The following BNC2 variants were observed in gnomAD, a reference collection of about 807,000 sequenced individuals.
The protein encoded by BNC2 is basonuclin zinc finger protein 2.
In BNC2, 20 loss-of-function variants were observed where a neutral mutation model predicts 76.3. The observed-to-expected ratio is 0.26, with a 90% CI of 0.18 to 0.38. BNC2 has a LOEUF of 0.38. Ranked by LOEUF, BNC2 falls within the 10% of genes least tolerant of loss-of-function variation. The pLI, the probability that BNC2 is intolerant of heterozygous loss-of-function variation, is 1.00. For synonymous variants in BNC2, 582 were observed against 514.8 expected (o/e 1.13, Z -1.77); for missense variants, 1,382 against 1,399.8 (o/e 0.99, Z 0.20).
chr9:16,656,851 A>G (rs558913937), intron 3 of BNC2, among the ~76,000 whole-genome samples: 1 of 152,192 alleles, frequency 6.6e-6, no homozygotes, highest in African/African-American at 2.4e-5. Context: ...AATCTTTACA[A>G]GATTAGAGGC....
intron 3 of BNC2, among the ~76,000 whole-genome samples, chr9:16,617,215 GAACA>G (rs1000071002): frequency 9.9e-5 from 15 of 151,966 alleles, no homozygotes; most frequent in South Asian, 2.1e-4. Flanking sequence ...ACTTCTTATA[GAACA>G]AACAAACAAA....
intron 1 of BNC2, among the ~76,000 whole-genome samples, chr9:16,835,465 G>A (rs912704460): frequency 2.6e-5 from 4 of 152,236 alleles, no homozygotes; most frequent in Non-Finnish European, 4.4e-5. Context: ...TTGGGAGGCC[G>A]AGGCAGGCAG....
chr9:16,421,349 GAGAA>G lies in BNC2; in HGVS notation c.2640-1704_2640-1701del, dbSNP rs199570667. The G allele has an allele frequency of 1.6e-3, 1,868 of 1,139,092 alleles. 21 individuals are homozygous for G. The African/African-American group carries it at 0.027, about 17-fold the overall frequency. The allele number at this position is 1,139,092 out of a possible 1,614,324, so 70.6% of individuals were successfully genotyped here. On this transcript the variant is annotated intron_variant, in intron 6 of 6. Transcript: ENST00000380672. ...TAAGAGACAGAGAGAGAGAAAGAAAGAGAAAGAGAGAGAGAGAAAACAAATTCAC... is the reference window on the plus strand; with the variant it reads ...TAAGAGACAGAGAGAGAGAAAGAAAGAGAGAGAGAGAGAAAACAAATTCAC...
At chr9:16,665,096 C>G (rs1160681612) in intron 3 of BNC2, 1 of 455,940 alleles carries the variant, frequency 2.2e-6, no homozygotes, top group Admixed American at 2.4e-5. Context: ...CAGCCGGGTG[C>G]AGTGGCTCAC....
chr9:16,844,440 G>C (rs1818912576), intron 1 of BNC2, among the ~76,000 whole-genome samples: 1 of 150,264 alleles, frequency 6.7e-6, no homozygotes. Flanking sequence ...ATGTCAGGTG[G>C]TAATTCTAGG....
chr9:16,468,209 C>A (rs1821737058), intron 5 of BNC2, among the ~76,000 whole-genome samples: 1 of 151,484 alleles, frequency 6.6e-6, no homozygotes, highest in Admixed American at 6.6e-5. Context: ...CCTGGCCCTA[C>A]ACTCATTTCT....
At chr9:16,823,411 T>G (rs538184176) in intron 1 of BNC2, among the ~76,000 whole-genome samples, 91 of 135,738 alleles carry the variant, frequency 6.7e-4, no homozygotes, top group Non-Finnish European at 4.8e-4. Flanking sequence ...AGTAACATAG[T>G]GAGATCCTGT....
chr9:16,549,916 C>T (rs1367691962), intron 5 of BNC2, among the ~76,000 whole-genome samples: 3 of 151,968 alleles, frequency 2.0e-5, no homozygotes, highest in East Asian at 3.9e-4. Context: ...TAAAAATCAT[C>T]TATCGTTTTC....
chr9:16,594,862 C>T (rs2133219672), intron 3 of BNC2, among the ~76,000 whole-genome samples: 2 of 152,216 alleles, frequency 1.3e-5, no homozygotes, highest in South Asian at 4.1e-4. Context: ...TTCCCCTCCT[C>T]CTCAAACAAA....
At chr9:16,707,789 G>C (rs528656672) in intron 3 of BNC2, among the ~76,000 whole-genome samples, 1 of 152,202 alleles carries the variant, frequency 6.6e-6, no homozygotes, top group African/African-American at 2.4e-5. Flanking sequence ...CTACAAGCAT[G>C]TGCTACCACA....
chr9:16,839,553 T>C (rs1220579816), intron 1 of BNC2, among the ~76,000 whole-genome samples: 1 of 152,236 alleles, frequency 6.6e-6, no homozygotes, highest in African/African-American at 2.4e-5. Context: ...CACACAGATA[T>C]GCAGGTTAGA....
chr9:16,674,186 C>T (rs1249754508), intron 3 of BNC2, among the ~76,000 whole-genome samples: 2 of 152,126 alleles, frequency 1.3e-5, no homozygotes, highest in Non-Finnish European at 2.9e-5. Flanking sequence ...ATTTTAAAAA[C>T]ATATGATTTC....
At chr9:16,792,423 A>T (rs1040549992) in intron 1 of BNC2, among the ~76,000 whole-genome samples, 1 of 152,210 alleles carries the variant, frequency 6.6e-6, no homozygotes, top group Admixed American at 6.5e-5. Context: ...TGAGAAGGGT[A>T]TAATATTGAC....
At chr9:16,660,173 G>C (rs1341908928) in intron 3 of BNC2, among the ~76,000 whole-genome samples, 1 of 152,116 alleles carries the variant, frequency 6.6e-6, no homozygotes, top group Non-Finnish European at 1.5e-5. Flanking sequence ...ACATCTTTGG[G>C]GCCGGGCGCG....
chr9:16,848,695 G>A (rs1480310643), intron 1 of BNC2, among the ~76,000 whole-genome samples: 1 of 152,122 alleles, frequency 6.6e-6, no homozygotes, highest in East Asian at 1.9e-4. Context: ...TTAAAAGAAA[G>A]CACCCAGGAG....
chr9:16,736,883 C>T (rs1420204934), intron 2 of BNC2, among the ~76,000 whole-genome samples: 1 of 151,324 alleles, frequency 6.6e-6, no homozygotes, highest in African/African-American at 2.4e-5. Flanking sequence ...CTCGGCTCAC[C>T]GCAATCTCCG....
chr9:16,631,728 T>C (rs1201044019), intron 3 of BNC2, among the ~76,000 whole-genome samples: 1 of 152,066 alleles, frequency 6.6e-6, no homozygotes, highest in Non-Finnish European at 1.5e-5. Flanking sequence ...AACCATCTAG[T>C]GAAGGAGAAA....
chr9:16,773,923 T>C (rs4961757), intron 1 of BNC2, among the ~76,000 whole-genome samples: 5 of 152,030 alleles, frequency 3.3e-5, no homozygotes, highest in Admixed American at 2.6e-4. Flanking sequence ...TCAGCTGTCA[T>C]ATAGAAAAAA....
chr9:16,566,891 T>A (rs1819186315), intron 4 of BNC2, among the ~76,000 whole-genome samples: 1 of 152,156 alleles, frequency 6.6e-6, no homozygotes, highest in African/African-American at 2.4e-5. Context: ...GTATGCAGAA[T>A]TTCATCTGGA....
Sources: allele counts gnomAD v4.1 joint callset (sites outside exome capture counted in the v4.1 genomes callset), GRCh38; gene constraint gnomAD v4.1.1; transcripts MANE v1.5; gene names NCBI Gene and HGNC (gene_info 2026-07-23, HGNC 2026-07-21).